ABCC2: variants seen among roughly 807,000 people sequenced by gnomAD.
ABCC2 encodes the protein ATP-binding cassette sub-family C member 2.
ABCC2 carries 157 observed loss-of-function variants against 173.4 expected under a neutral mutation model. The ratio of observed to expected loss-of-function variants is 0.91; its 90% confidence interval spans 0.80 to 1.03. ABCC2 has a LOEUF of 1.03. Ranked by LOEUF, ABCC2 falls within the 50% of genes least tolerant of loss-of-function variation. The pLI is 0.00. For missense variants in ABCC2, 1,822 were observed against 1,852.3 expected, an observed-to-expected ratio of 0.98 and a Z score of 0.30; for synonymous variants, 657 against 693.5, an observed-to-expected ratio of 0.95 and a Z score of 0.83.
At chr10:99,799,016 A>G (rs1257532902) in intron 7 of ABCC2, among the ~76,000 whole-genome samples, 191 bp from the exon 8 acceptor site, 2 of 152,162 alleles carry the variant, frequency 1.3e-5, no homozygotes. Context: ...AAAATAGATT[A>G]CAAGTATCAG....
Position 99,830,410 on chromosome 10 carries a change from C to T in ABCC2, c.2724C>T (p.Ser908=). The change falls in exon 20 of 32, where the codon AGC becomes AGT. Residue 908 remains serine, a synonymous_variant. Coordinates refer to ENST00000647814, the MANE Select transcript of ABCC2 (RefSeq NM_000392.5). ...AASITMRREN[S]FRRTLSRSSR... ...CCATAACCATGAGAAGAGAGAACAG[C>T]TTTCGTCGAACACTTAGCCGCAGGT... 6.2e-7 allele frequency: 1 copy of T among 1,614,230 alleles called. No individual in the cohort carries two copies. Among genetic ancestry groups the T allele is most frequent in the Non-Finnish European group, 8.5e-7 (1 of 1,180,028 alleles).
In ABCC2 at chr10:99,819,240, G is replaced by A. The variant is rs1176447262; in HGVS notation, c.2591G>A (p.Arg864Lys). The A allele has an allele frequency of 1.9e-6, 3 of 1,613,846 alleles. No homozygotes were observed. Among genetic ancestry groups the A allele is most frequent in the Non-Finnish European group, 2.5e-6 (3 of 1,180,030 alleles). The change falls in exon 19 of 32, where the codon AGA becomes AAA. Residue 864 changes from arginine to lysine, a missense_variant. Coordinates refer to ENST00000647814, the MANE Select transcript of ABCC2 (RefSeq NM_000392.5). ...EFAKNLKTFL[R>K]HTGPEEEATV... ...GCTAAGAATCTGAAGACATTTCTAA[G>A]ACATACAGGCCCTGAAGAGGAAGCC...
rs2038133357 is a variant in ABCC2, at chr10:99,807,501, T to G, written c.1648T>G (p.Phe550Val). 1.2e-6 allele frequency: 2 copies of G among 1,614,150 alleles called. No individual in the cohort carries two copies. The highest frequency in any genetic ancestry group is 1.7e-6 in the Non-Finnish European group (2 of 1,179,992). ...ACTACAGTGTGTAGTAATATTCGTC[T>G]TCCAGTTAACTCCAGTCCTGGTGAG... The part of the protein sequence containing the change: ...SQLQCVVIFV[F>V]QLTPVLVSVV... The change falls in exon 12 of 32, where the codon TTC (phenylalanine) becomes GTC (valine). Residue 550 changes from phenylalanine (F) to valine (V), a missense_variant. Transcript: ENST00000647814.
At position 99,831,615 on chromosome 10, in the gene ABCC2, A is replaced by T. The variant is rs1156487493; in HGVS notation, c.2888A>T (p.Lys963Met). The change falls in exon 22 of 32, where the codon AAG (lysine) becomes ATG (methionine). Residue 963 changes from lysine (K) to methionine (M), a missense_variant. Physicochemically the swap from Lys to Met is moderately conservative, Grantham distance 95 (BLOSUM62 -1). Transcript: ENST00000647814. Reference protein sequence around the residue: ...KKEFIETGKVKFSIYLEYLQA... With the variant: ...KKEFIETGKVMFSIYLEYLQA... ...ATTGAGGTGGGGACTTTGCAGGTGAAGTTCTCCATCTACCTGGAGTACCTA... is the reference window on the plus strand; with the variant it reads ...ATTGAGGTGGGGACTTTGCAGGTGATGTTCTCCATCTACCTGGAGTACCTA... 6 of 1,613,834 alleles carry T rather than the reference A, an allele frequency of 3.7e-6. No homozygotes were observed. The highest frequency in any genetic ancestry group is 5.1e-6 in the Non-Finnish European group (6 of 1,179,854).
rs777704351 is a variant in ABCC2 at position 99,851,745 on chromosome 10, AG to A, written c.*116del. 4.4e-4 allele frequency: 502 copies of A among 1,136,824 alleles called. No individual in the cohort carries two copies. The highest frequency in any genetic ancestry group is 7.1e-4 in the Admixed American group (30 of 42,402). The allele number at this position is 1,136,824 out of a possible 1,614,324, so 70.4% of individuals were successfully genotyped here. On this transcript the variant is annotated 3_prime_UTR_variant, in exon 32 of 32. Transcript: ENST00000647814. The stretch of plus-strand genomic sequence containing the variant: ...GTGTATAAAATGTACGTTTTAAAAA[AG>A]GATAAGTGAACACCCATGAACCTAC...
chr10:99,825,581 A>G (rs2038622777), intron 19 of ABCC2, among the ~76,000 whole-genome samples: 2 of 152,220 alleles, frequency 1.3e-5, no homozygotes, highest in South Asian at 2.1e-4. Flanking sequence ...TAATTCAGCA[A>G]TCCTGTCTCC....
At chr10:99,789,522 C>T (rs1018476741) in intron 2 of ABCC2, 1 of 152,234 alleles carries the variant, frequency 6.6e-6, no homozygotes, top group Non-Finnish European at 1.5e-5. Flanking sequence ...CAAGATCAGT[C>T]TGGGCAACAT....
chr10:99,837,341 T>C (rs1216819162), intron 25 of ABCC2, among the ~76,000 whole-genome samples: 2 of 71,420 alleles, frequency 2.8e-5, no homozygotes, highest in Admixed American at 1.5e-4. Flanking sequence ...TTCTCCGTGT[T>C]GGTCAGGCTG....
At chr10:99,841,498 T>C (rs1172031973) in intron 25 of ABCC2, among the ~76,000 whole-genome samples, 1 of 152,096 alleles carries the variant, frequency 6.6e-6, no homozygotes, top group African/African-American at 2.4e-5. Flanking sequence ...GAGGCTGCAG[T>C]GAGCCATGAT....
rs767754823 is a variant in ABCC2 at position 99,845,756 on chromosome 10, C to T, written c.4120C>T (p.Arg1374Ter). 5.6e-6 allele frequency: 9 copies of T among 1,613,134 alleles called. No homozygotes were observed. In the South Asian group the frequency reaches 8.8e-5, roughly 16 times the overall value. ...TGCTTCCATTGGGCTCCACGACCTCCGAGAGAAGCTGACCATCATCCCCCA... is the reference window on the plus strand; with the variant it reads ...TGCTTCCATTGGGCTCCACGACCTCTGAGAGAAGCTGACCATCATCCCCCA... The part of the protein sequence containing the change: ...DIASIGLHDL[R>*]EKLTIIPQDP... The change falls in exon 29 of 32, where the codon CGA (arginine) becomes TGA (stop). Residue 1374 changes from arginine to a stop codon, truncating the protein, a stop_gained. Coordinates refer to ENST00000647814, the MANE Select transcript of ABCC2 (RefSeq NM_000392.5). LOFTEE classifies it high-confidence loss of function.
chr10:99,799,711 C>T (rs569631941), intron 8 of ABCC2, among the ~76,000 whole-genome samples: 2 of 152,216 alleles, frequency 1.3e-5, no homozygotes, highest in East Asian at 3.9e-4. Flanking sequence ...ATCTCTCCAT[C>T]GCAGCCTTCC....
intron 7 of ABCC2, 124 bp from the exon 8 acceptor site, chr10:99,799,083 C>A: frequency 9.7e-7 from 1 of 1,031,874 alleles, no homozygotes; most frequent in Non-Finnish European, 1.5e-6. Flanking sequence ...GCAACTAGGC[C>A]AGGGAGAGAT....
intron 12 of ABCC2, among the ~76,000 whole-genome samples, 176 bp downstream of exon 12, chr10:99,807,697 G>A (rs2038137242): frequency 6.6e-6 from 1 of 152,180 alleles, no homozygotes; most frequent in South Asian, 2.1e-4. Context: ...CATACCCCCA[G>A]CTCTAGTTTC....
chr10:99,787,734 G>A (rs1343317103), intron 2 of ABCC2, among the ~76,000 whole-genome samples: 1 of 151,724 alleles, frequency 6.6e-6, no homozygotes, highest in Non-Finnish European at 1.5e-5. Flanking sequence ...CTTATCTTTT[G>A]AACGGATAAT....
Position 99,818,831 on chromosome 10 carries a change from G to A in ABCC2, c.2313G>A (p.Leu771=). 6.2e-7 allele frequency: 1 copy of A among 1,614,168 alleles called. No homozygotes were observed. Among genetic ancestry groups the A allele is most frequent in the Non-Finnish European group, 8.5e-7 (1 of 1,180,022 alleles). ...GGGGTCAGAAGCAGCGGATCAGCCT[G>A]GCCAGAGCTACCTACCAAAATTTAG... The part of the protein sequence containing the change: ...LSGGQKQRIS[L]ARATYQNLDI... The change falls in exon 18 of 32, where the codon CTG becomes CTA. Residue 771 remains leucine, a synonymous_variant. Transcript: ENST00000647814.
intron 30 of ABCC2, among the ~76,000 whole-genome samples, chr10:99,847,742 A>T (rs2133153570): frequency 6.6e-6 from 1 of 152,236 alleles, no homozygotes; most frequent in Non-Finnish European, 1.5e-5. Context: ...AAGATGGTGA[A>T]ACCCCGTCTC....
chr10:99,820,692 G>C (rs1172824422), intron 19 of ABCC2, among the ~76,000 whole-genome samples: 1 of 152,102 alleles, frequency 6.6e-6, no homozygotes, highest in Non-Finnish European at 1.5e-5. Flanking sequence ...ACAGGAATTG[G>C]GAGCCAGGCC....
At chr10:99,808,329 A>G in intron 13 of ABCC2, 100 bp downstream of exon 13, 1 of 1,489,798 alleles carries the variant, frequency 6.7e-7, no homozygotes. Context: ...TTTGCTGGTA[A>G]ACTTTCAAGA....
At chr10:99,839,246 C>T (rs1241663322) in intron 25 of ABCC2, among the ~76,000 whole-genome samples, 6 of 110,560 alleles carry the variant, frequency 5.4e-5, no homozygotes, top group South Asian at 2.9e-4. Flanking sequence ...GCCGACCCCC[C>T]CACCTCCCTC....
Sources: gnomAD v4.1 joint callset for allele counts (sites outside exome capture counted in the v4.1 genomes callset) on GRCh38, gnomAD v4.1.1 for gene constraint, MANE v1.5 for transcripts, NCBI Gene and HGNC (gene_info 2026-07-23, HGNC 2026-07-21) for gene names.